NPAS3: variants seen among roughly 807,000 people sequenced by gnomAD.
NPAS3 encodes the protein neuronal PAS domain-containing protein 3.
Under a neutral mutation model 73.1 loss-of-function variants are expected in NPAS3, and 14 were observed. That is an observed-to-expected ratio of 0.19 (90% CI 0.13 to 0.30). The LOEUF is 0.30. Ranked by LOEUF, NPAS3 falls within the 10% of genes least tolerant of loss-of-function variation. The pLI is 1.00. For synonymous variants in NPAS3, 620 were observed against 541.5 expected (o/e 1.14, Z -2.01); for missense variants, 1,096 against 1,250.0 (o/e 0.88, Z 1.86).
intron 1 of NPAS3, among the ~76,000 whole-genome samples, chr14:33,003,139 T>A (rs11845143): frequency 0.13 from 19,516 of 151,698 alleles, 2,579 homozygotes; most frequent in African/African-American, 0.34. Flanking sequence ...TATTTCAGTG[T>A]TAGCCCTTTT....
chr14:32,968,211 A>C (rs1370579797), intron 1 of NPAS3, among the ~76,000 whole-genome samples: 1 of 152,194 alleles, frequency 6.6e-6, no homozygotes, highest in African/African-American at 2.4e-5. Flanking sequence ...GTTCTTCAAA[A>C]TAGCTAGAAG....
intron 3 of NPAS3, among the ~76,000 whole-genome samples, chr14:33,366,001 A>C (rs1455298981): frequency 6.6e-6 from 1 of 152,306 alleles, no homozygotes; most frequent in East Asian, 1.9e-4. Flanking sequence ...GTTTGTAATA[A>C]AATTTTCAAA....
At chr14:33,651,803 G>A (rs923879163) in intron 5 of NPAS3, among the ~76,000 whole-genome samples, 4 of 152,112 alleles carry the variant, frequency 2.6e-5, no homozygotes, top group African/African-American at 9.7e-5. Flanking sequence ...TTTTAATTTT[G>A]GAGTAGGCCA....
At chr14:33,056,778 T>C (rs1325880259) in intron 2 of NPAS3, among the ~76,000 whole-genome samples, 1 of 152,224 alleles carries the variant, frequency 6.6e-6, no homozygotes, top group Non-Finnish European at 1.5e-5. Flanking sequence ...TCCATAAAAG[T>C]TATGAAATAT....
intron 5 of NPAS3, among the ~76,000 whole-genome samples, chr14:33,574,180 G>C (rs1199186850): frequency 6.6e-6 from 1 of 152,160 alleles, no homozygotes; most frequent in African/African-American, 2.4e-5. Context: ...GTTTCAGAAA[G>C]AGGGAGTGTA....
intron 2 of NPAS3, among the ~76,000 whole-genome samples, chr14:33,067,795 A>G (rs527779381): frequency 6.6e-6 from 1 of 152,332 alleles, no homozygotes; most frequent in Non-Finnish European, 1.5e-5. Flanking sequence ...CATTACTCCA[A>G]AATAGAACTT....
chr14:33,540,164 G>A (rs954422659), intron 4 of NPAS3, among the ~76,000 whole-genome samples: 4 of 152,162 alleles, frequency 2.6e-5, no homozygotes, highest in Non-Finnish European at 4.4e-5. Context: ...TGTTTGTAAT[G>A]AGAATGTGAG....
rs143588558 is a variant in NPAS3 at position 33,093,561 on chromosome 14, C to T, written c.140+37567C>T. 2.0e-4 allele frequency among the ~76,000 whole-genome samples: 30 copies of T among 152,214 alleles called. 1 individual carries two copies. Among genetic ancestry groups the T allele is most frequent in the South Asian group, 1.9e-3 (9 of 4,804 alleles). ...TCAACCATTGTGGAAGACAGTGCGG[C>T]GATTCCTCAGGGATCTAGAACTAGA... is the stretch of plus-strand genomic sequence containing the variant. On this transcript the variant is annotated intron_variant, in intron 2 of 11. Coordinates refer to ENST00000356141, the Ensembl canonical transcript of NPAS3.
chr14:33,783,763 C>T (rs906670184), intron 9 of NPAS3, among the ~76,000 whole-genome samples: 4 of 152,062 alleles, frequency 2.6e-5, no homozygotes, highest in Admixed American at 2.6e-4. Flanking sequence ...GTCAGCACCC[C>T]CTGGGAACTC....
At chr14:33,198,100 G>A (rs1400979586) in intron 2 of NPAS3, among the ~76,000 whole-genome samples, 2 of 152,076 alleles carry the variant, frequency 1.3e-5, no homozygotes, top group African/African-American at 4.8e-5. Flanking sequence ...CCTCCCAGTG[G>A]GGGGTTCGTG....
chr14:33,291,482 C>T (rs1007909107), intron 3 of NPAS3, among the ~76,000 whole-genome samples: 1 of 151,936 alleles, frequency 6.6e-6, no homozygotes, highest in African/African-American at 2.4e-5. Flanking sequence ...ATCATTGTGG[C>T]CTGGATTTAT....
chr14:33,760,920 A>T (rs1017000577), intron 7 of NPAS3, among the ~76,000 whole-genome samples: 1 of 152,226 alleles, frequency 6.6e-6, no homozygotes, highest in Admixed American at 6.5e-5. Flanking sequence ...TGGAGAATCC[A>T]TTGCAAAACT....
chr14:33,714,512 C>T (rs1179189441), intron 6 of NPAS3, among the ~76,000 whole-genome samples: 2 of 152,166 alleles, frequency 1.3e-5, no homozygotes, highest in Middle Eastern at 3.4e-3. Context: ...CGTAGCTGGG[C>T]ACAGGAAGAT....
At chr14:33,437,928 A>G (rs1225834039) in intron 4 of NPAS3, among the ~76,000 whole-genome samples, 2 of 152,218 alleles carry the variant, frequency 1.3e-5, no homozygotes, top group Admixed American at 6.5e-5. Flanking sequence ...ATTTTCCAGT[A>G]TATTTCCAGC....
chr14:33,671,352 G>T (rs1322434892), intron 5 of NPAS3, among the ~76,000 whole-genome samples: 1 of 152,168 alleles, frequency 6.6e-6, no homozygotes, highest in Non-Finnish European at 1.5e-5. Flanking sequence ...GGAAAAGTCA[G>T]CTCAAACCAC....
chr14:33,035,857 G>A (rs2040148782), intron 1 of NPAS3, among the ~76,000 whole-genome samples: 1 of 152,124 alleles, frequency 6.6e-6, no homozygotes, highest in Admixed American at 6.5e-5. Flanking sequence ...AGTTGCCGGT[G>A]CTCTTTGGTC....
intron 2 of NPAS3, among the ~76,000 whole-genome samples, chr14:33,134,210 C>CT (rs576187686): frequency 0.016 from 2,263 of 145,362 alleles, 51 homozygotes; most frequent in African/African-American, 0.052. Context: ...GACAGTTGAA[C>CT]TTTTTTTTTT....
At chr14:33,269,812 G>GA (rs2140004515) in intron 3 of NPAS3, among the ~76,000 whole-genome samples, 1 of 152,038 alleles carries the variant, frequency 6.6e-6, no homozygotes, top group African/African-American at 2.4e-5. Flanking sequence ...GGGAAGCAGG[G>GA]AGGGGGGTAT....
intron 2 of NPAS3, among the ~76,000 whole-genome samples, chr14:33,141,462 C>T (rs370982068): frequency 6.6e-6 from 1 of 152,218 alleles, no homozygotes; most frequent in African/African-American, 2.4e-5. Context: ...TTTAAAAGTA[C>T]AGACAAATAT....
Sources: allele counts gnomAD v4.1 joint callset (sites outside exome capture counted in the v4.1 genomes callset), GRCh38; gene constraint gnomAD v4.1.1; transcripts MANE v1.5; gene names NCBI Gene and HGNC (gene_info 2026-07-23, HGNC 2026-07-21).